SOX5: variants seen among roughly 807,000 people sequenced by gnomAD.
The protein encoded by SOX5 is SRY-box transcription factor 5, also known as transcription factor SOX-5.
In SOX5, 9 loss-of-function variants were observed where a neutral mutation model predicts 92.0. The ratio of observed to expected loss-of-function variants is 0.10; its 90% CI spans 0.06 to 0.17. The LOEUF (loss-of-function observed/expected upper bound fraction) is 0.17. Among genes scored for constraint, SOX5 ranks in the 10% least tolerant of loss-of-function variants. SOX5 has a pLI of 1.00. For missense variants in SOX5, 642 were observed against 944.5 expected (o/e 0.68, Z 4.20); for synonymous variants, 344 against 336.3 (o/e 1.02, Z -0.25).
intron 2 of SOX5, among the ~76,000 whole-genome samples, chr12:24,337,955 T>A (rs1952097078): frequency 6.6e-6 from 1 of 152,194 alleles, no homozygotes; most frequent in African/African-American, 2.4e-5. Flanking sequence ...CACTAAAAGA[T>A]GAGTTTTTCT....
chr12:24,354,345 A>G (rs1565970692), intron 2 of SOX5, among the ~76,000 whole-genome samples: 1 of 152,240 alleles, frequency 6.6e-6, no homozygotes, highest in Non-Finnish European at 1.5e-5. Flanking sequence ...TGAGAAACTG[A>G]AGGAGGCCAG....
At chr12:24,193,154 C>T (rs556689908) in intron 4 of SOX5, among the ~76,000 whole-genome samples, 10 of 152,192 alleles carry the variant, frequency 6.6e-5, no homozygotes, top group South Asian at 4.2e-4. Context: ...GCAATGACAA[C>T]GATAAAAACC....
chr12:24,269,724 T>A (rs1337016393), intron 3 of SOX5, among the ~76,000 whole-genome samples: 1 of 149,976 alleles, frequency 6.7e-6, no homozygotes, highest in African/African-American at 2.4e-5. Flanking sequence ...GGGTCTTGCT[T>A]TGTGGCCCCG....
intron 3 of SOX5, chr12:24,227,762 G>A (rs570352108): frequency 6.6e-6 from 1 of 152,202 alleles, no homozygotes; most frequent in Non-Finnish European, 1.5e-5. Flanking sequence ...GCTAAGGGCA[G>A]ATGATTCAGC....
intron 1 of SOX5, among the ~76,000 whole-genome samples, chr12:23,922,968 C>G (rs900870721): frequency 6.7e-6 from 1 of 149,096 alleles, no homozygotes; most frequent in Non-Finnish European, 1.5e-5. Context: ...GTTTTTGAGA[C>G]GGAGTCTCAC....
In SOX5 at chr12:23,729,765, A is replaced by C. The variant is rs182230803; in HGVS notation, c.810+4919T>G. On this transcript the variant is annotated intron_variant, in intron 6 of 14. Transcript: ENST00000451604. ...AAAATATGCAGTTGAAAAGAAGTACAGTATCTTTAAACTTGCAATTAAAAA... is the reference window on the plus strand; with the variant it reads ...AAAATATGCAGTTGAAAAGAAGTACCGTATCTTTAAACTTGCAATTAAAAA... Among the ~76,000 whole-genome samples the C allele has an allele frequency of 2.6e-5, 4 of 152,336 alleles. No individual in the cohort carries two copies. The East Asian group carries it at 7.7e-4, about 29-fold the overall frequency.
At chr12:24,419,759 T>C (rs1965627542) in intron 1 of SOX5, among the ~76,000 whole-genome samples, 1 of 152,210 alleles carries the variant, frequency 6.6e-6, no homozygotes. Context: ...CTAGAATGTA[T>C]ATGACAACTT....
At chr12:23,660,187 A>T (rs2082848329) in intron 7 of SOX5, among the ~76,000 whole-genome samples, 1 of 152,162 alleles carries the variant, frequency 6.6e-6, no homozygotes. Context: ...GCTAGGTGTG[A>T]TTTTAAAATC....
chr12:23,578,097 G>A (rs1258487456), intron 9 of SOX5, among the ~76,000 whole-genome samples: 8 of 85,850 alleles, frequency 9.3e-5, no homozygotes, highest in South Asian at 8.4e-4. Context: ...TCCAGCCTGC[G>A]CAACAGAGTG....
At chr12:24,281,687 A>G (rs900794547) in intron 2 of SOX5, among the ~76,000 whole-genome samples, 2 of 152,268 alleles carry the variant, frequency 1.3e-5, no homozygotes, top group Non-Finnish European at 2.9e-5. Context: ...CCAATCAATA[A>G]GCAATGCAAA....
In SOX5 at chr12:23,850,101, T is replaced by C. The variant is rs545319383; in HGVS notation, c.271-3908A>G. On this transcript the variant is annotated intron_variant, in intron 2 of 14. Transcript: ENST00000451604. ...TGCTCAACAAGTTTTGACATAGTCA[T>C]GTTCCTCTTCCAGCAACGGGTTGTG... 3.9e-5 allele frequency among the ~76,000 whole-genome samples: 6 copies of C among 152,292 alleles called. No homozygotes were observed. In the East Asian group the frequency reaches 1.2e-3, roughly 29 times the overall value.
chr12:24,353,734 G>A (rs1046894661), intron 2 of SOX5, among the ~76,000 whole-genome samples: 3 of 151,902 alleles, frequency 2.0e-5, no homozygotes, highest in Non-Finnish European at 2.9e-5. Flanking sequence ...CCCGCCTCCC[G>A]GCTTCAAACA....
chr12:23,548,057 A>T (rs532294731), intron 11 of SOX5, among the ~76,000 whole-genome samples: 1 of 152,204 alleles, frequency 6.6e-6, no homozygotes, highest in Admixed American at 6.5e-5. Flanking sequence ...ATGATCTGAT[A>T]GTCCTCGGGT....
chr12:23,890,375 C>T (rs1418649244), intron 2 of SOX5, among the ~76,000 whole-genome samples: 1 of 151,050 alleles, frequency 6.6e-6, no homozygotes, highest in Non-Finnish European at 1.5e-5. Context: ...TTTAAGGAAT[C>T]AAAAGAGAAT....
chr12:24,265,060 T>C (rs1942808412), intron 3 of SOX5, among the ~76,000 whole-genome samples: 1 of 152,216 alleles, frequency 6.6e-6, no homozygotes, highest in Non-Finnish European at 1.5e-5. Context: ...ATGGGGATTT[T>C]CTGAGCAAAT....
At chr12:23,923,293 A>AAATGAATGAATGAATGAATG (rs142332141) in intron 1 of SOX5, among the ~76,000 whole-genome samples, 96 of 149,138 alleles carry the variant, frequency 6.4e-4, no homozygotes, top group Admixed American at 3.1e-3. Context: ...ACCCAAAAAT[A>AAATGAATGAATGAATGAATG]AATGAATGAA....
chr12:24,442,984 GCT>G (rs1940886666), intron 1 of SOX5, among the ~76,000 whole-genome samples: 2 of 111,220 alleles, frequency 1.8e-5, no homozygotes, highest in Admixed American at 2.5e-4. Flanking sequence ...ATGGAGTCTT[GCT>G]CTGTCACTAG....
intron 11 of SOX5, among the ~76,000 whole-genome samples, chr12:23,552,523 A>G (rs1944406006): frequency 1.3e-5 from 2 of 152,018 alleles, no homozygotes. Flanking sequence ...GAAAAAATCA[A>G]CAATCATTGT....
intron 10 of SOX5, among the ~76,000 whole-genome samples, chr12:23,572,112 C>G (rs1443478616): frequency 6.6e-6 from 1 of 152,124 alleles, no homozygotes; most frequent in East Asian, 1.9e-4. Context: ...CAAAAGCATT[C>G]TTATAGAATA....
Sources: allele counts gnomAD v4.1 joint callset (sites outside exome capture counted in the v4.1 genomes callset), GRCh38; gene constraint gnomAD v4.1.1; transcripts MANE v1.5; gene names NCBI Gene and HGNC (gene_info 2026-07-23, HGNC 2026-07-21).